IPCEF1: variants seen among roughly 807,000 people sequenced by gnomAD.
IPCEF1 encodes interaction protein for cytohesin exchange factors 1.
In IPCEF1, 31 loss-of-function variants were observed where a neutral mutation model predicts 50.9. The ratio of observed to expected loss-of-function variants is 0.61; its 90% CI spans 0.46 to 0.82. The LOEUF (loss-of-function observed/expected upper bound fraction) is 0.82. Ranked by LOEUF, IPCEF1 falls within the 40% of genes least tolerant of loss-of-function variation. The probability of loss-of-function intolerance (pLI) is 0.00; values close to 1 mark genes in which losing one functional copy is unlikely to be tolerated. For missense variants in IPCEF1, 458 were observed against 514.0 expected, an observed-to-expected ratio of 0.89 and a Z score of 1.05; for synonymous variants, 181 against 192.0, an observed-to-expected ratio of 0.94 and a Z score of 0.47.
intron 9 of IPCEF1, among the ~76,000 whole-genome samples, chr6:154,210,401 T>G (rs747848057): frequency 6.6e-6 from 1 of 152,078 alleles, no homozygotes; most frequent in African/African-American, 2.4e-5. Context: ...CAGGTTAAAA[T>G]AGGAGAGAGA....
intron 1 of IPCEF1, among the ~76,000 whole-genome samples, chr6:154,338,021 G>A (rs1442329538): frequency 1.3e-5 from 2 of 152,182 alleles, no homozygotes; most frequent in Non-Finnish European, 2.9e-5. Flanking sequence ...GCTAAGCTGA[G>A]GCTTGAACTT....
At chr6:154,193,357 G>A (rs938730493) in intron 10 of IPCEF1, among the ~76,000 whole-genome samples, 3 of 152,066 alleles carry the variant, frequency 2.0e-5, no homozygotes, top group African/African-American at 7.2e-5. Context: ...TTGGGGACTC[G>A]GGGGAAAGGA....
At chr6:154,344,660 G>A (rs1783989165) in intron 1 of IPCEF1, among the ~76,000 whole-genome samples, 1 of 152,122 alleles carries the variant, frequency 6.6e-6, no homozygotes, top group African/African-American at 2.4e-5. Context: ...CACAGATGGC[G>A]CCAGGGGAGA....
At chr6:154,171,369 A>C (rs1199751033) in intron 10 of IPCEF1, among the ~76,000 whole-genome samples, 3 of 152,204 alleles carry the variant, frequency 2.0e-5, no homozygotes, top group Non-Finnish European at 4.4e-5. Flanking sequence ...CCAGTCACAA[A>C]CAACCACATA....
At chr6:154,227,118 C>G (rs1051715187) in intron 5 of IPCEF1, among the ~76,000 whole-genome samples, 1 of 151,952 alleles carries the variant, frequency 6.6e-6, no homozygotes, top group Non-Finnish European at 1.5e-5. Flanking sequence ...GCAGGAGAAT[C>G]GCTTGAACCT....
At chr6:154,290,277 A>AGCAT (rs895338137) in intron 1 of IPCEF1, among the ~76,000 whole-genome samples, 3 of 152,294 alleles carry the variant, frequency 2.0e-5, no homozygotes, top group African/African-American at 7.2e-5. Flanking sequence ...AAACACACTG[A>AGCAT]GCATGCTCCC....
intron 1 of IPCEF1, among the ~76,000 whole-genome samples, chr6:154,330,322 CCT>C (rs1783626395): frequency 7.2e-6 from 1 of 138,828 alleles, no homozygotes; most frequent in African/African-American, 2.7e-5. Flanking sequence ...ACAATTATAG[CCT>C]CTTTTTTTTT....
Position 154,183,838 on chromosome 6 carries a change from C to T in IPCEF1, c.911-15725G>A, listed in dbSNP as rs147388708. Among the ~76,000 whole-genome samples the T allele has an allele frequency of 6.1e-3, 934 of 151,894 alleles. 7 individuals are homozygous for T. Among genetic ancestry groups the T allele is most frequent in the Non-Finnish European group, 6.6e-3 (449 of 67,950 alleles). ...CCAGGAGGCAGAGGTTACAGTGAAC[C>T]GAGGTCATGCCACTGCACTCCAGCC... On this transcript the variant is annotated intron_variant, in intron 10 of 11. Coordinates refer to ENST00000367220, the MANE Select transcript of IPCEF1 (RefSeq NM_001130700.2).
intron 1 of IPCEF1, among the ~76,000 whole-genome samples, chr6:154,354,509 C>T (rs902876157): frequency 2.3e-4 from 14 of 59,618 alleles, no homozygotes; most frequent in African/African-American, 4.4e-4. Flanking sequence ...TCCACCATCA[C>T]CTCTACCACT....
chr6:154,218,086 C>A (rs1014192790), intron 7 of IPCEF1, among the ~76,000 whole-genome samples: 4 of 152,094 alleles, frequency 2.6e-5, no homozygotes, highest in Admixed American at 6.6e-5. Context: ...TTGCTAAGAA[C>A]TTTTTTTAAA....
chr6:154,248,673 C>A (rs888639761), intron 3 of IPCEF1, among the ~76,000 whole-genome samples: 3 of 152,020 alleles, frequency 2.0e-5, no homozygotes, highest in African/African-American at 7.2e-5. Context: ...GGCCTGGAAC[C>A]AATTCCTGGC....
intron 1 of IPCEF1, among the ~76,000 whole-genome samples, chr6:154,342,520 C>T (rs1401733653): frequency 3.9e-5 from 6 of 152,136 alleles, no homozygotes; most frequent in Admixed American, 2.0e-4. Flanking sequence ...TTTTGCGACT[C>T]AAGTGATCCT....
chr6:154,217,537 C>G (rs1250630898), intron 7 of IPCEF1: 1 of 151,552 alleles, frequency 6.6e-6, no homozygotes, highest in Non-Finnish European at 1.5e-5. Context: ...CACACACACA[C>G]AAAAAAAGTG....
At chr6:154,271,910 C>T (rs975734911) in intron 2 of IPCEF1, among the ~76,000 whole-genome samples, 1 of 152,170 alleles carries the variant, frequency 6.6e-6, no homozygotes, top group African/African-American at 2.4e-5. Context: ...TTGCTTGAGC[C>T]CAGGAGTTCA....
Position 154,156,873 on chromosome 6 carries a change from T to C in IPCEF1, c.*2955A>G, listed in dbSNP as rs1798738882. The C allele has an allele frequency of 6.6e-6, 1 of 152,232 alleles. No homozygotes were observed. The allele number at this position is 152,232 out of a possible 1,614,324, so 9.4% of individuals were successfully genotyped here. A position where few individuals can be genotyped will look rare whatever the true frequency, so the allele number is the denominator to read the frequency against. On this transcript the variant is annotated 3_prime_UTR_variant, in exon 12 of 12. Coordinates refer to ENST00000367220, the MANE Select transcript of IPCEF1 (RefSeq NM_001130700.2). ...TAACAACAGAGGGAAAAGGTCCTCTTCACAACCCCAAAGAGGAGTCCTCTC... is the reference window on the plus strand; with the variant it reads ...TAACAACAGAGGGAAAAGGTCCTCTCCACAACCCCAAAGAGGAGTCCTCTC...
At chr6:154,312,264 T>C (rs775126340) in intron 1 of IPCEF1, among the ~76,000 whole-genome samples, 1 of 152,090 alleles carries the variant, frequency 6.6e-6, no homozygotes, top group Non-Finnish European at 1.5e-5. Context: ...CCTAAGAAAG[T>C]CAAACCTAGA....
Position 154,229,344 on chromosome 6 carries a change from CGG to C in IPCEF1, c.247-6103_247-6102del, listed in dbSNP as rs1191026779. On this transcript the variant is annotated intron_variant, in intron 5 of 11. Transcript: ENST00000367220. ...CAGAAGGCAGTGTGGAAAAGTTTGCCGGTTTTTTTTTTTTTTTTTTTTTGAGA... is the reference window on the plus strand; with the variant it reads ...CAGAAGGCAGTGTGGAAAAGTTTGCCTTTTTTTTTTTTTTTTTTTTTGAGA... Among the ~76,000 whole-genome samples the C allele has an allele frequency of 2.2e-5, 3 of 139,024 alleles. No homozygotes were observed. The East Asian group carries it at 6.8e-4, about 31-fold the overall frequency. 91.2% of individuals were successfully genotyped at this position (139,024 alleles called of 152,430 possible).
intron 1 of IPCEF1, among the ~76,000 whole-genome samples, chr6:154,335,413 C>T (rs558521586): frequency 6.6e-6 from 1 of 152,310 alleles, no homozygotes; most frequent in Non-Finnish European, 1.5e-5. Flanking sequence ...TGCCTTTTCT[C>T]CAGTTAATCT....
intron 1 of IPCEF1, among the ~76,000 whole-genome samples, chr6:154,356,387 A>T (rs754153850): frequency 6.6e-6 from 1 of 152,160 alleles, no homozygotes; most frequent in Non-Finnish European, 1.5e-5. Flanking sequence ...TTCTAAATCA[A>T]ACCTGTGGTC....
Sources: allele counts gnomAD v4.1 joint callset (sites outside exome capture counted in the v4.1 genomes callset), GRCh38; gene constraint gnomAD v4.1.1; transcripts MANE v1.5; gene names NCBI Gene and HGNC (gene_info 2026-07-23, HGNC 2026-07-21).